Variants in ERICH6B observed in about 807,000 individuals in gnomAD.
ERICH6B encodes glutamate rich 6B, also known as glutamate-rich protein 6B.
Under a neutral mutation model 80.0 loss-of-function variants are expected in ERICH6B, and 69 were observed. That is an observed-to-expected ratio of 0.86 (90% CI 0.71 to 1.05). ERICH6B has a LOEUF of 1.05. Among genes scored for constraint, ERICH6B ranks in the 50% least tolerant of loss-of-function variants. The pLI is 0.00. For missense variants in ERICH6B, 754 were observed against 796.1 expected, an observed-to-expected ratio of 0.95 and a Z score of 0.64; for synonymous variants, 283 against 291.9, an observed-to-expected ratio of 0.97 and a Z score of 0.31.
rs141198478 is a variant in ERICH6B, at chr13:45,566,602, A to C, written c.1187+1713T>G. ...TAAACCCCAAGCCTTGGCAGCTACC[A>C]CATGATGTTGAGCCTGTGAGTGCAC... On this transcript the variant is annotated intron_variant, in intron 9 of 14. Coordinates refer to ENST00000298738, the MANE Select transcript of ERICH6B (RefSeq NM_182542.3). 7.3e-3 allele frequency among the ~76,000 whole-genome samples: 1,119 copies of C among 152,372 alleles called. 13 individuals are homozygous for C. Among genetic ancestry groups the C allele is most frequent in the African/African-American group, 0.025 (1,042 of 41,582 alleles).
chr13:45,582,816 T>C (rs572896954), intron 5 of ERICH6B, among the ~76,000 whole-genome samples: 27 of 152,330 alleles, frequency 1.8e-4, no homozygotes, highest in African/African-American at 6.0e-4. Context: ...CCTTGTGGAA[T>C]TTCGCCCTAT....
intron 7 of ERICH6B, among the ~76,000 whole-genome samples, chr13:45,575,257 C>T (rs756567556): frequency 1.3e-5 from 2 of 152,190 alleles, no homozygotes; most frequent in Non-Finnish European, 2.9e-5. Flanking sequence ...AGGCAGAAGG[C>T]CACGCAGGCA....
intron 5 of ERICH6B, among the ~76,000 whole-genome samples, chr13:45,584,382 T>G (rs1875809204): frequency 6.6e-6 from 1 of 152,156 alleles, no homozygotes; most frequent in Non-Finnish European, 1.5e-5. Context: ...ACCTGGGTAT[T>G]TTTTCCTCCA....
At position 45,568,530 on chromosome 13, in the gene ERICH6B, A is replaced by G. The variant is rs143582966; in HGVS notation, c.1051-79T>C. The stretch of plus-strand genomic sequence containing the variant: ...TAGTTAATCACTTTTCTGACTCTCA[A>G]AGGTACTGTGTGACACTTCAACATA... On this transcript the variant is annotated intron_variant, in intron 8 of 14. Coordinates refer to ENST00000298738, the MANE Select transcript of ERICH6B (RefSeq NM_182542.3). 1.5e-3 allele frequency: 1,958 copies of G among 1,339,752 alleles called. 23 individuals are homozygous for G. The African/African-American group carries it at 0.025, about 17-fold the overall frequency. 83.0% of individuals were successfully genotyped at this position (1,339,752 alleles called of 1,614,324 possible).
intron 1 of ERICH6B, among the ~76,000 whole-genome samples, chr13:45,612,419 T>C (rs886603324): frequency 6.6e-6 from 1 of 152,180 alleles, no homozygotes; most frequent in Non-Finnish European, 1.5e-5. Context: ...ATGTAATGAA[T>C]GAGAAAAGAG....
chr13:45,592,622 A>G (rs1038495394), intron 3 of ERICH6B, among the ~76,000 whole-genome samples: 4 of 152,262 alleles, frequency 2.6e-5, no homozygotes, highest in Admixed American at 6.5e-5. Context: ...TGATGAATCA[A>G]AATCAATGTA....
chr13:45,545,367 C>G (rs1431694650), intron 13 of ERICH6B, among the ~76,000 whole-genome samples: 1 of 152,214 alleles, frequency 6.6e-6, no homozygotes, highest in Non-Finnish European at 1.5e-5. Context: ...ACCTGGTTCC[C>G]TACGGGACTC....
intron 7 of ERICH6B, among the ~76,000 whole-genome samples, chr13:45,578,180 C>T (rs1875501655): frequency 6.6e-6 from 1 of 152,228 alleles, no homozygotes; most frequent in African/African-American, 2.4e-5. Context: ...CCACCACCAC[C>T]TGGTTAATAT....
chr13:45,599,237 A>G (rs1435663080), intron 2 of ERICH6B, among the ~76,000 whole-genome samples: 1 of 152,130 alleles, frequency 6.6e-6, no homozygotes, highest in Admixed American at 6.5e-5. Flanking sequence ...TCAGTGGCTG[A>G]GGGTAGGGAG....
intron 2 of ERICH6B, 131 bp downstream of exon 2, chr13:45,607,433 T>G (rs1325486365): frequency 6.6e-6 from 1 of 152,206 alleles, no homozygotes; most frequent in African/African-American, 2.4e-5. Flanking sequence ...GAGGTCTATT[T>G]TGACATGGCT....
intron 10 of ERICH6B, among the ~76,000 whole-genome samples, chr13:45,562,381 G>A (rs1874721315): frequency 6.6e-6 from 1 of 152,218 alleles, no homozygotes; most frequent in Non-Finnish European, 1.5e-5. Flanking sequence ...TCATTTCATA[G>A]CAACAAGTTT....
chr13:45,600,415 TAG>T (rs56072403), intron 2 of ERICH6B, among the ~76,000 whole-genome samples: 6,091 of 152,332 alleles, frequency 0.04, 126 homozygotes, highest in Admixed American at 0.047. Flanking sequence ...GTTACATTCA[TAG>T]ATTGTGTAGT....
chr13:45,600,970 T>C (rs781410949), intron 2 of ERICH6B, among the ~76,000 whole-genome samples: 2 of 152,196 alleles, frequency 1.3e-5, no homozygotes, highest in Non-Finnish European at 2.9e-5. Context: ...TATATGACCA[T>C]CCTTGTTACC....
intron 11 of ERICH6B, among the ~76,000 whole-genome samples, chr13:45,555,842 G>A (rs1286040133): frequency 6.6e-6 from 1 of 151,804 alleles, no homozygotes; most frequent in Non-Finnish European, 1.5e-5. Context: ...GATGAATACA[G>A]CTTTGTGTCC....
At chr13:45,614,003 A>G (rs1206490236) in intron 1 of ERICH6B, among the ~76,000 whole-genome samples, 1 of 152,144 alleles carries the variant, frequency 6.6e-6, no homozygotes, top group Non-Finnish European at 1.5e-5. Context: ...CCCCATCTCC[A>G]ACAGGAGAAA....
At chr13:45,543,965 T>A (rs1873888711) in intron 14 of ERICH6B, among the ~76,000 whole-genome samples, 1 of 152,186 alleles carries the variant, frequency 6.6e-6, no homozygotes, top group African/African-American at 2.4e-5. Flanking sequence ...CTGTGTTTTA[T>A]TGTCAGGATC....
At chr13:45,546,026 A>G (rs564546300) in intron 13 of ERICH6B, among the ~76,000 whole-genome samples, 1 of 152,310 alleles carries the variant, frequency 6.6e-6, no homozygotes, top group Admixed American at 6.5e-5. Flanking sequence ...TTTGTCCATC[A>G]TCTGTTCTCT....
intron 7 of ERICH6B, among the ~76,000 whole-genome samples, chr13:45,578,914 G>A (rs1259157057): frequency 6.6e-6 from 1 of 152,224 alleles, no homozygotes; most frequent in Non-Finnish European, 1.5e-5. Flanking sequence ...GCCAGGAGTG[G>A]TGGCATGCAC....
intron 8 of ERICH6B, among the ~76,000 whole-genome samples, chr13:45,570,282 G>A (rs564124429): frequency 2.0e-5 from 3 of 152,180 alleles, no homozygotes; most frequent in East Asian, 3.9e-4. Flanking sequence ...CAAGGTTTGT[G>A]ATGCATAAGT....
Sources: allele counts gnomAD v4.1 joint callset (sites outside exome capture counted in the v4.1 genomes callset), GRCh38; gene constraint gnomAD v4.1.1; transcripts MANE v1.5; gene names NCBI Gene and HGNC (gene_info 2026-07-23, HGNC 2026-07-21).